Variants in CENPE observed in about 807,000 individuals in gnomAD.
The protein encoded by CENPE is centromere protein E.
A neutral mutation model predicts 336.1 loss-of-function variants in CENPE; 145 were observed. The ratio of observed to expected loss-of-function variants is 0.43; its 90% confidence interval spans 0.38 to 0.50. The LOEUF is 0.50. Ranked by LOEUF, CENPE falls within the 20% of genes least tolerant of loss-of-function variation. CENPE has a pLI of 0.00. For synonymous variants in CENPE, 1,013 were observed against 984.8 expected (o/e 1.03, Z -0.54); for missense variants, 2,719 against 3,023.3 (o/e 0.90, Z 2.36).
At position 103,106,213 on chromosome 4, in the gene CENPE, A is replaced by G; in HGVS notation, c.*9T>C. The G allele has an allele frequency of 6.5e-7, 1 of 1,537,960 alleles. No individual in the cohort carries two copies. On this transcript the variant is annotated 3_prime_UTR_variant, in exon 49 of 49. Transcript: ENST00000265148. The stretch of plus-strand genomic sequence containing the variant: ...ATGCTGGATCTCCAGAGAAGTGACA[A>G]AGAGGAGTCTACTGAGTTTTGCACT...
intron 13 of CENPE, among the ~76,000 whole-genome samples, chr4:103,177,555 A>G (rs1755976626): frequency 6.6e-6 from 1 of 151,868 alleles, no homozygotes; most frequent in African/African-American, 2.4e-5. Flanking sequence ...AGATGAGATG[A>G]TACTTGTATC....
intron 22 of CENPE, 59 bp from the exon 23 acceptor site, chr4:103,158,945 T>A: frequency 3.9e-6 from 6 of 1,543,300 alleles, no homozygotes; most frequent in Non-Finnish European, 4.3e-6. Context: ...GAGGCATACA[T>A]ATATACAGAA....
chr4:103,195,039 T>A, intron 5 of CENPE, 75 bp downstream of exon 5: 1 of 1,321,998 alleles, frequency 7.6e-7, no homozygotes, highest in Non-Finnish European at 1.0e-6. Context: ...ACTATAGAAA[T>A]TAAAGGTAAA....
In CENPE at chr4:103,140,315, T is replaced by C. The variant is rs1266590220; in HGVS notation, c.5854A>G (p.Ile1952Val). The part of the protein sequence containing the change: ...KLREKISEKT[I>V]QISDIQKDLD... ...TCCTTTTGAATGTCTGAAATTTGAA[T>C]TGTCTTTTCTGAAATTTTTTCTCTA... Residue 1952 changes from isoleucine to valine, a missense_variant, in exon 37 of 49, where the codon ATT becomes GTT. This residue lies in a region of CENPE where 2,437 missense variants were observed against 2,513.3 expected (regional missense o/e 0.97). Transcript: ENST00000265148. 2 of 1,605,644 alleles carry C rather than the reference T, an allele frequency of 1.2e-6. No individual in the cohort carries two copies. The highest frequency in any genetic ancestry group is 1.7e-5 in the Admixed American group (1 of 59,412).
chr4:103,110,301 A>G (rs1386897542), intron 47 of CENPE, among the ~76,000 whole-genome samples: 1 of 151,992 alleles, frequency 6.6e-6, no homozygotes, highest in Admixed American at 6.6e-5. Context: ...TCATAATATA[A>G]CCCTTTTATA....
intron 45 of CENPE, among the ~76,000 whole-genome samples, chr4:103,114,760 G>T (rs1270915918): frequency 6.6e-6 from 1 of 152,108 alleles, no homozygotes; most frequent in African/African-American, 2.4e-5. Flanking sequence ...TTGGGTGCAG[G>T]GACAGTCCGA....
chr4:103,176,013 G>T lies in CENPE; in HGVS notation c.1426C>A (p.Leu476Ile). ...CATTCTATCTCACTTAATGTATCAA[G>T]AGTGTTACTGAAAACATCAGACTCT... ...CSESDVFSNT[L>I]DTLSEIEWNP... The change falls in exon 15 of 49, where the codon CTT becomes ATT. Residue 476 changes from leucine to isoleucine, a missense_variant. Coordinates refer to ENST00000265148, the MANE Select transcript of CENPE (RefSeq NM_001813.3). The T allele has an allele frequency of 6.2e-7, 1 of 1,605,034 alleles. No homozygotes were observed. The highest frequency in any genetic ancestry group is 1.7e-5 in the Admixed American group (1 of 58,790).
chr4:103,176,913 C>T lies in CENPE; in HGVS notation c.1376G>A (p.Arg459Gln), dbSNP rs780023475. ...AAAGCACTCACATTCATCAATTTCTCGTAATAAATTTATAGAAAGCTTATG... is the reference window on the plus strand; with the variant it reads ...AAAGCACTCACATTCATCAATTTCTTGTAATAAATTTATAGAAAGCTTATG... The part of the protein sequence containing the change: ...KTHKLSINLL[R>Q]EIDESVCSES... Residue 459 changes from arginine to glutamine, a missense_variant, in exon 14 of 49, where the codon CGA (arginine) becomes CAA (glutamine). By Grantham distance (43) the Arg-to-Gln change is conservative. Transcript: ENST00000265148. 8.9e-6 allele frequency: 14 copies of T among 1,573,676 alleles called. No individual in the cohort carries two copies. Among genetic ancestry groups the T allele is most frequent in the South Asian group, 1.2e-5 (1 of 86,226 alleles).
At chr4:103,161,014 C>G (rs1754396664) in intron 20 of CENPE, 72 bp downstream of exon 20, 18 of 1,263,686 alleles carry the variant, frequency 1.4e-5, no homozygotes, top group East Asian at 2.4e-5. Flanking sequence ...TTGAAATATG[C>G]TTGTCAAATT....
At position 103,140,820 on chromosome 4, in the gene CENPE, T is replaced by C; in HGVS notation, c.5748A>G (p.Lys1916=). The change falls in exon 36 of 49, where the codon AAA becomes AAG. Residue 1916 remains lysine (K), a synonymous_variant. Transcript: ENST00000265148. ...AAGAGAGAACACAACTCACTCTAGC[T>C]TTGGTTTCTTGCAGGCTTTCCTTGA... ...DQLKESLQET[K]ARDLEIQQEL... 5.1e-6 allele frequency: 8 copies of C among 1,583,336 alleles called. No homozygotes were observed. Among genetic ancestry groups the C allele is most frequent in the Non-Finnish European group, 6.8e-6 (8 of 1,170,196 alleles).
chr4:103,119,883 G>GA (rs1475326285), intron 44 of CENPE, among the ~76,000 whole-genome samples: 1 of 151,968 alleles, frequency 6.6e-6, no homozygotes, highest in South Asian at 2.1e-4. Flanking sequence ...TTTGAAAAAT[G>GA]AAAAAATATA....
In CENPE at chr4:103,132,827, T is replaced by C. The variant is rs373471210; in HGVS notation, c.6790A>G (p.Asn2264Asp). ...AAAAACTGTGTCATTTCTTTCCTAT[T>C]ACTTAGTACTTGTTGAAATTCAGTC... ...IKTEFQQVLS[N>D]RKEMTQFLEE... The change falls in exon 42 of 49, where the codon AAT (asparagine) becomes GAT (aspartate). Residue 2264 changes from asparagine to aspartate, a missense_variant. Asn to Asp is a conservative substitution (Grantham distance 23). Transcript: ENST00000265148. The C allele has an allele frequency of 6.4e-6, 10 of 1,574,372 alleles. No individual in the cohort carries two copies. Among genetic ancestry groups the C allele is most frequent in the Non-Finnish European group, 7.8e-6 (9 of 1,156,792 alleles).
rs931445534 is a variant in CENPE, at chr4:103,145,207, A to G, written c.4700T>C (p.Ile1567Thr). The change falls in exon 32 of 49, where the codon ATA (isoleucine) becomes ACA (threonine). Residue 1567 changes from isoleucine (I) to threonine (T), a missense_variant. Transcript: ENST00000265148. The part of the protein sequence containing the change: ...RKAKDSALQS[I>T]ESKMLELTNR... ...GGTCAACTCGAGCATCTTACTTTCTATACTTTGTAGTGCTGAATCCTTGGC... is the reference window on the plus strand; with the variant it reads ...GGTCAACTCGAGCATCTTACTTTCTGTACTTTGTAGTGCTGAATCCTTGGC... The G allele has an allele frequency of 1.9e-6, 3 of 1,613,674 alleles. No individual in the cohort carries two copies. The highest frequency in any genetic ancestry group is 2.5e-6 in the Non-Finnish European group (3 of 1,179,814).
chr4:103,173,562 A>G (rs1298489811), intron 16 of CENPE, among the ~76,000 whole-genome samples: 1 of 151,908 alleles, frequency 6.6e-6, no homozygotes, highest in Non-Finnish European at 1.5e-5. Context: ...ATATTTGCAA[A>G]ATATTTGCAA....
At chr4:103,190,954 AAAAC>A (rs1480557928) in intron 8 of CENPE, among the ~76,000 whole-genome samples, 88 of 152,180 alleles carry the variant, frequency 5.8e-4, no homozygotes, top group Middle Eastern at 3.4e-3. Context: ...AGAAAAAAAA[AAAAC>A]AAACAACCAC....
intron 44 of CENPE, among the ~76,000 whole-genome samples, chr4:103,117,706 C>CGCCCAGCCCTCTCATTTCTTTT: frequency 6.7e-6 from 1 of 148,886 alleles, no homozygotes; most frequent in African/African-American, 2.5e-5. Context: ...CGGCTCACTG[C>CGCCCAGCCCTCTCATTTCTTTT]AACCTTCGCC....
intron 42 of CENPE, among the ~76,000 whole-genome samples, chr4:103,130,248 A>G (rs1033267851): frequency 6.6e-6 from 1 of 152,236 alleles, no homozygotes; most frequent in Non-Finnish European, 1.5e-5. Context: ...TACACATGAC[A>G]TGATCATCTA....
At chr4:103,182,169 G>A (rs1051983382) in intron 11 of CENPE, among the ~76,000 whole-genome samples, 3 of 150,810 alleles carry the variant, frequency 2.0e-5, no homozygotes, top group South Asian at 2.1e-4. Flanking sequence ...TCGGCTCACC[G>A]CAACCTCTGC....
At position 103,151,290 on chromosome 4, in the gene CENPE, T is replaced by A; in HGVS notation, c.3325A>T (p.Ile1109Leu). The A allele has an allele frequency of 6.2e-7, 1 of 1,607,192 alleles. No homozygotes were observed. The highest frequency in any genetic ancestry group is 8.5e-7 in the Non-Finnish European group (1 of 1,178,516). Reference sequence around the variant, plus strand: ...CTAGAAAGCTCTCCTTCTTTCTTTATGGCATGGTTCTTTTCTTGTGCAACT... The same window carrying A: ...CTAGAAAGCTCTCCTTCTTTCTTTAAGGCATGGTTCTTTTCTTGTGCAACT... ...EIVAQEKNHA[I>L]KKEGELSRTC... The change falls in exon 26 of 49, where the codon ATA (isoleucine) becomes TTA (leucine). Residue 1109 changes from isoleucine (I) to leucine (L), a missense_variant. Transcript: ENST00000265148.
Sources: gnomAD v4.1 joint callset for allele counts (sites outside exome capture counted in the v4.1 genomes callset) on GRCh38, gnomAD v4.1.1 for gene constraint, gnomAD v4.1.1 regional missense constraint, MANE v1.5 for transcripts, NCBI Gene and HGNC (gene_info 2026-07-23, HGNC 2026-07-21) for gene names.